CHCHD3: variants seen among roughly 807,000 people sequenced by gnomAD.
CHCHD3 encodes the protein MICOS complex subunit MIC19.
In CHCHD3, 20 loss-of-function variants were observed where a neutral mutation model predicts 38.2. The observed-to-expected ratio is 0.52, with a 90% CI of 0.37 to 0.76. The LOEUF is 0.76. Among genes scored for constraint, CHCHD3 ranks in the 30% least tolerant of loss-of-function variants. CHCHD3 has a pLI of 0.00. For missense variants in CHCHD3, 245 were observed against 279.2 expected, an observed-to-expected ratio of 0.88 and a Z score of 0.87; for synonymous variants, 82 against 100.0, an observed-to-expected ratio of 0.82 and a Z score of 1.07.
intron 4 of CHCHD3, among the ~76,000 whole-genome samples, chr7:132,909,929 G>A (rs993801106): frequency 6.6e-6 from 1 of 152,208 alleles, no homozygotes; most frequent in Non-Finnish European, 1.5e-5. Flanking sequence ...AGAGGCTGGA[G>A]TAAGAATGAG....
intron 6 of CHCHD3, among the ~76,000 whole-genome samples, chr7:132,808,736 C>CTT (rs11339560): frequency 1.4e-5 from 2 of 147,946 alleles, no homozygotes; most frequent in Admixed American, 6.7e-5. Context: ...ATTTATTTTC[C>CTT]TTTTTTTTTT....
At chr7:132,912,923 G>C (rs12707060) in intron 4 of CHCHD3, among the ~76,000 whole-genome samples, 51,967 of 152,094 alleles carry the variant, frequency 0.34, 9,790 homozygotes, top group Non-Finnish European at 0.43. Flanking sequence ...AATATGTAAA[G>C]TGCTTAAATT....
intron 6 of CHCHD3, among the ~76,000 whole-genome samples, chr7:132,829,526 T>A (rs1160633166): frequency 6.6e-6 from 1 of 152,152 alleles, no homozygotes; most frequent in Non-Finnish European, 1.5e-5. Flanking sequence ...ACCTAAGAGC[T>A]GCCACAAGAA....
intron 2 of CHCHD3, chr7:133,034,991 G>A (rs1584661287): frequency 1.9e-6 from 3 of 1,608,512 alleles, no homozygotes; most frequent in Non-Finnish European, 2.5e-6. Flanking sequence ...AGTGCTCCCA[G>A]AAATATGGCA....
At chr7:133,011,283 G>A (rs1812866747) in intron 3 of CHCHD3, among the ~76,000 whole-genome samples, 1 of 152,208 alleles carries the variant, frequency 6.6e-6, no homozygotes, top group African/African-American at 2.4e-5. Context: ...AGGGTTTTAA[G>A]CAAAGAAAGT....
intron 4 of CHCHD3, among the ~76,000 whole-genome samples, chr7:132,903,382 T>C (rs1339009777): frequency 1.3e-5 from 2 of 152,246 alleles, no homozygotes; most frequent in Non-Finnish European, 2.9e-5. Flanking sequence ...AATCTGCAGA[T>C]GCAGAAGCCG....
At chr7:132,953,344 C>T (rs1276614554) in intron 4 of CHCHD3, among the ~76,000 whole-genome samples, 1 of 152,182 alleles carries the variant, frequency 6.6e-6, no homozygotes, top group African/African-American at 2.4e-5. Flanking sequence ...CACAACGAGG[C>T]TCCTATGTCT....
chr7:132,986,760 G>A (rs1307589802), intron 3 of CHCHD3, among the ~76,000 whole-genome samples: 1 of 152,138 alleles, frequency 6.6e-6, no homozygotes, highest in Non-Finnish European at 1.5e-5. Context: ...AAAATAAATG[G>A]CATGAAAGAC....
chr7:132,822,431 T>A (rs573121453), intron 6 of CHCHD3, among the ~76,000 whole-genome samples: 47 of 148,844 alleles, frequency 3.2e-4, no homozygotes, highest in African/African-American at 7.1e-4. Flanking sequence ...TTTTTTAATT[T>A]AAAAAAAAAA....
chr7:132,970,331 C>G (rs1288776288), intron 4 of CHCHD3, among the ~76,000 whole-genome samples: 4 of 152,214 alleles, frequency 2.6e-5, no homozygotes, highest in African/African-American at 9.6e-5. Flanking sequence ...TCCTCTCCTC[C>G]TATTTCCAGG....
At chr7:132,958,431 A>G (rs1333924286) in intron 4 of CHCHD3, among the ~76,000 whole-genome samples, 2 of 152,240 alleles carry the variant, frequency 1.3e-5, no homozygotes, top group Non-Finnish European at 2.9e-5. Context: ...TAGAAGTATG[A>G]GAAAAAAAAG....
intron 6 of CHCHD3, among the ~76,000 whole-genome samples, chr7:132,836,773 C>G (rs1033974846): frequency 6.6e-6 from 1 of 152,162 alleles, no homozygotes; most frequent in Non-Finnish European, 1.5e-5. Context: ...CCACAGCTGA[C>G]CTTATCTCAT....
chr7:133,006,995 A>G (rs1812718651), intron 3 of CHCHD3, among the ~76,000 whole-genome samples: 2 of 152,198 alleles, frequency 1.3e-5, no homozygotes, highest in Admixed American at 1.3e-4. Flanking sequence ...CCTGTGTACC[A>G]AAATATTTAC....
At chr7:132,989,042 G>A (rs1479245758) in intron 3 of CHCHD3, among the ~76,000 whole-genome samples, 1 of 152,180 alleles carries the variant, frequency 6.6e-6, no homozygotes, top group African/African-American at 2.4e-5. Context: ...TAGAGATGAT[G>A]TAAAGTATAC....
intron 4 of CHCHD3, among the ~76,000 whole-genome samples, chr7:132,970,378 C>T (rs1006945007): frequency 6.6e-6 from 1 of 152,160 alleles, no homozygotes; most frequent in African/African-American, 2.4e-5. Context: ...ATTCAATCAA[C>T]AAATATGTAT....
intron 3 of CHCHD3, among the ~76,000 whole-genome samples, chr7:132,996,512 T>C (rs1812421222): frequency 2.0e-5 from 3 of 152,262 alleles, no homozygotes; most frequent in African/African-American, 7.2e-5. Context: ...AAATACTGTG[T>C]GTAAGATTAT....
At chr7:133,059,721 C>T (rs914320031) in intron 2 of CHCHD3, among the ~76,000 whole-genome samples, 2 of 152,164 alleles carry the variant, frequency 1.3e-5, no homozygotes, top group African/African-American at 4.8e-5. Context: ...ATTGTATAAG[C>T]ACCATCAGGA....
chr7:133,036,456 C>T (rs1294917776), intron 2 of CHCHD3, among the ~76,000 whole-genome samples: 2 of 152,082 alleles, frequency 1.3e-5, no homozygotes, highest in Non-Finnish European at 2.9e-5. Context: ...ACATGCAAAA[C>T]TTTCATTTTA....
chr7:133,021,400 G>T (rs577298436), intron 3 of CHCHD3, among the ~76,000 whole-genome samples: 1 of 152,172 alleles, frequency 6.6e-6, no homozygotes, highest in East Asian at 1.9e-4. Flanking sequence ...TTTCCTGCTG[G>T]GGAACTATTT....
Sources: allele counts gnomAD v4.1 joint callset (sites outside exome capture counted in the v4.1 genomes callset), GRCh38; gene constraint gnomAD v4.1.1; transcripts MANE v1.5; gene names NCBI Gene and HGNC (gene_info 2026-07-23, HGNC 2026-07-21).